Variants in MAP2 observed in about 807,000 individuals in gnomAD.
The protein encoded by MAP2 is microtubule-associated protein 2.
Under a neutral mutation model 137.6 loss-of-function variants are expected in MAP2, and 14 were observed. The ratio of observed to expected loss-of-function variants is 0.10; its 90% CI spans 0.07 to 0.16. The LOEUF (loss-of-function observed/expected upper bound fraction) is 0.16. MAP2 is among the 10% of genes least tolerant of loss of function. MAP2 has a pLI of 1.00. For missense variants in MAP2, 2,088 were observed against 2,191.5 expected (o/e 0.95, Z 0.94); for synonymous variants, 786 against 782.3 (o/e 1.00, Z -0.08).
chr2:209,678,869 G>A (rs2053192479), intron 6 of MAP2, among the ~76,000 whole-genome samples, 184 bp downstream of exon 6: 1 of 152,038 alleles, frequency 6.6e-6, no homozygotes, highest in South Asian at 2.1e-4. Flanking sequence ...TTGTTGTAGT[G>A]TTTGCATAGT....
chr2:209,488,738 A>T (rs992048924), intron 1 of MAP2, among the ~76,000 whole-genome samples: 3 of 152,132 alleles, frequency 2.0e-5, no homozygotes, highest in Admixed American at 6.5e-5. Context: ...GCCTCTCTAG[A>T]TTCCTCCTCT....
At chr2:209,438,656 A>G (rs7568431) in intron 1 of MAP2, among the ~76,000 whole-genome samples, 66,107 of 151,142 alleles carry the variant, frequency 0.44, 14,827 homozygotes, top group Non-Finnish European at 0.48. Context: ...GGTTTAGGCC[A>G]AGGCACATCT....
chr2:209,608,238 T>C (rs939892914), intron 3 of MAP2, among the ~76,000 whole-genome samples: 2 of 152,054 alleles, frequency 1.3e-5, no homozygotes, highest in African/African-American at 4.8e-5. Flanking sequence ...GATTAAATAC[T>C]GTACACATAT....
chr2:209,673,471 G>T (rs1490282196), intron 5 of MAP2, among the ~76,000 whole-genome samples: 1 of 151,672 alleles, frequency 6.6e-6, no homozygotes, highest in Non-Finnish European at 1.5e-5. Context: ...ATTCACAAAA[G>T]ACAGAATGGA....
At chr2:209,513,527 A>G (rs974206727) in intron 2 of MAP2, among the ~76,000 whole-genome samples, 1 of 151,516 alleles carries the variant, frequency 6.6e-6, no homozygotes, top group Non-Finnish European at 1.5e-5. Context: ...ATTGTATTAC[A>G]TATGAAGACT....
intron 2 of MAP2, among the ~76,000 whole-genome samples, chr2:209,542,981 G>C (rs964355150): frequency 6.6e-6 from 1 of 152,170 alleles, no homozygotes; most frequent in African/African-American, 2.4e-5. Context: ...CAATTTGGCT[G>C]CTTGGTGAAA....
chr2:209,677,184 G>A (rs2052228067), intron 5 of MAP2, among the ~76,000 whole-genome samples: 1 of 151,714 alleles, frequency 6.6e-6, no homozygotes, highest in Admixed American at 6.6e-5. Context: ...TAATGCTTTG[G>A]TGACTGTTAA....
In MAP2 at chr2:209,717,353, C is replaced by T. The variant is rs562319910; in HGVS notation, c.5073+7099C>T. On this transcript the variant is annotated intron_variant, in intron 13 of 15. Transcript: ENST00000682079. ...ATCATCAGATCTCATGAGAACTCAC[C>T]GTCTTGAGAACAGCAAGGGGGAAAT... Among the ~76,000 whole-genome samples, 6 of 152,188 alleles carry T rather than the reference C, an allele frequency of 3.9e-5. No individual in the cohort carries two copies. The East Asian group carries it at 7.7e-4, about 20-fold the overall frequency.
chr2:209,585,879 A>C (rs1241237304), intron 3 of MAP2, among the ~76,000 whole-genome samples: 1 of 152,192 alleles, frequency 6.6e-6, no homozygotes, highest in Non-Finnish European at 1.5e-5. Flanking sequence ...GGAGGATCTG[A>C]GATTACATTA....
intron 1 of MAP2, among the ~76,000 whole-genome samples, chr2:209,449,082 C>T (rs16842906): frequency 0.13 from 20,437 of 152,076 alleles, 3,366 homozygotes; most frequent in African/African-American, 0.39. Context: ...TCCCTGACTT[C>T]GCACATGATT....
intron 1 of MAP2, among the ~76,000 whole-genome samples, chr2:209,489,263 C>T (rs2058782232): frequency 1.3e-5 from 2 of 152,116 alleles, no homozygotes; most frequent in African/African-American, 2.4e-5. Flanking sequence ...AAAAGGACAA[C>T]CAAGCAAAAA....
At chr2:209,690,619 G>T in intron 7 of MAP2, 15 of 1,287,376 alleles carry the variant, frequency 1.2e-5, no homozygotes, top group Non-Finnish European at 1.5e-5. Context: ...AAACGCTAGA[G>T]AGTCGGATGG....
chr2:209,643,276 A>G (rs1220874205), intron 4 of MAP2, among the ~76,000 whole-genome samples: 1 of 152,182 alleles, frequency 6.6e-6, no homozygotes, highest in African/African-American at 2.4e-5. Context: ...GCTGCCTGGT[A>G]ATAACTATCA....
intron 13 of MAP2, among the ~76,000 whole-genome samples, chr2:209,718,098 T>C (rs1451545390): frequency 6.6e-6 from 1 of 152,222 alleles, no homozygotes; most frequent in Non-Finnish European, 1.5e-5. Flanking sequence ...ACTCTGTCTT[T>C]ATGCAATAGA....
intron 3 of MAP2, among the ~76,000 whole-genome samples, chr2:209,588,141 A>G (rs917350600): frequency 6.6e-6 from 1 of 152,186 alleles, no homozygotes; most frequent in Non-Finnish European, 1.5e-5. Context: ...TACTCTTTCC[A>G]TAATGGACAG....
chr2:209,433,007 T>C (rs1340042999), intron 1 of MAP2, among the ~76,000 whole-genome samples: 13 of 152,146 alleles, frequency 8.5e-5, no homozygotes, highest in Non-Finnish European at 1.8e-4. Context: ...AATATCAGGC[T>C]AGTGTGTCCT....
chr2:209,433,815 A>C (rs555922449), intron 1 of MAP2, among the ~76,000 whole-genome samples: 126 of 151,984 alleles, frequency 8.3e-4, no homozygotes, highest in African/African-American at 2.7e-3. Context: ...AATTTTAATC[A>C]CTTGTAGTCT....
At chr2:209,430,069 T>C (rs189831375) in intron 1 of MAP2, among the ~76,000 whole-genome samples, 9 of 151,800 alleles carry the variant, frequency 5.9e-5, no homozygotes, top group Admixed American at 4.6e-4. Context: ...TTTTTTATTG[T>C]TGTTTATATG....
chr2:209,625,152 A>G (rs1308312078), intron 4 of MAP2, 23 bp downstream of exon 4: 3 of 152,220 alleles, frequency 2.0e-5, no homozygotes, highest in Non-Finnish European at 2.9e-5. Context: ...CTACTCTGAA[A>G]GAGTTACCTA....
Sources: allele counts gnomAD v4.1 joint callset (sites outside exome capture counted in the v4.1 genomes callset), GRCh38; gene constraint gnomAD v4.1.1; transcripts MANE v1.5; gene names NCBI Gene and HGNC (gene_info 2026-07-23, HGNC 2026-07-21).